Variants in FERMT1 observed in about 807,000 individuals in gnomAD.
The protein encoded by FERMT1 is FERM domain containing kindlin 1, also known as fermitin family homolog 1.
In FERMT1, 60 loss-of-function variants were observed where a neutral mutation model predicts 85.3. That is an observed-to-expected ratio of 0.70 (90% confidence interval 0.57 to 0.87). FERMT1 has a LOEUF of 0.87. Among genes scored for constraint, FERMT1 ranks in the 40% least tolerant of loss-of-function variants. The probability of loss-of-function intolerance (pLI) is 0.00; values close to 1 mark genes in which losing one functional copy is unlikely to be tolerated. For synonymous variants in FERMT1, 275 were observed against 301.1 expected, an observed-to-expected ratio of 0.91 and a Z score of 0.90; for missense variants, 701 against 818.9, an observed-to-expected ratio of 0.86 and a Z score of 1.76.
intron 6 of FERMT1, among the ~76,000 whole-genome samples, chr20:6,100,442 G>C (rs532440672): frequency 6.6e-6 from 1 of 152,284 alleles, no homozygotes; most frequent in African/African-American, 2.4e-5. Flanking sequence ...TCAGGGCTGG[G>C]AGGGTAGGAG....
chr20:6,077,182 A>G lies in FERMT1; in HGVS notation c.2025T>C (p.Gly675=). ...AGCACGCGTGCTTGTTTCAATCCTG[A>G]CCGCCGGTCAATTTGTGGAACAAGT... ...DEDLFHKLTG[G]QD The change falls in exon 15 of 15, where the codon GGT becomes GGC. Residue 675 remains glycine (G), a synonymous_variant. Transcript: ENST00000217289. The G allele has an allele frequency of 6.2e-7, 1 of 1,613,818 alleles. No individual in the cohort carries two copies. Among genetic ancestry groups the G allele is most frequent in the Non-Finnish European group, 8.5e-7 (1 of 1,180,018 alleles).
At chr20:6,099,207 C>T (rs62200476) in intron 6 of FERMT1, among the ~76,000 whole-genome samples, 14,044 of 151,850 alleles carry the variant, frequency 0.092, 699 homozygotes, top group African/African-American at 0.12. Flanking sequence ...GTTTGAGACA[C>T]GCCTGGCCAA....
In FERMT1 at chr20:6,085,270, T is replaced by C; in HGVS notation, c.1389A>G (p.Gln463=). 1 of 1,613,614 alleles carries C rather than the reference T, an allele frequency of 6.2e-7. No homozygotes were observed. The highest frequency in any genetic ancestry group is 1.1e-5 in the South Asian group (1 of 91,048). Residue 463 remains glutamine, a synonymous_variant, in exon 12 of 15, where the codon CAA becomes CAG. Coordinates refer to ENST00000217289, the MANE Select transcript of FERMT1 (RefSeq NM_017671.5). ...ATGCCAACATGCAGGCAGCCATCCA[T>C]TGGGCGTATTGATTCTCCTGCAGCA... ...LRCDHENQYA[Q]WMAACMLASK...
At chr20:6,092,379 CA>C (rs1377894589) in intron 9 of FERMT1, among the ~76,000 whole-genome samples, 4 of 151,888 alleles carry the variant, frequency 2.6e-5, no homozygotes, top group Non-Finnish European at 5.9e-5. Flanking sequence ...TCTGTCTCTA[CA>C]AAAAATACAA....
Position 6,095,000 on chromosome 20 carries a change from CA to C in FERMT1, c.1090-13del. On this transcript the variant is annotated splice_polypyrimidine_tract_variant and intron_variant, in intron 8 of 14. Coordinates refer to ENST00000217289, the MANE Select transcript of FERMT1 (RefSeq NM_017671.5). Reference sequence around the variant, plus strand: ...TCAGTAATGTCCTCCTAAGAAAAAACAAATAAAGTTTCAAAAGCAGGAACTT... The same window carrying C: ...TCAGTAATGTCCTCCTAAGAAAAAACAATAAAGTTTCAAAAGCAGGAACTT... 1 of 1,493,820 alleles carries C rather than the reference CA, an allele frequency of 6.7e-7. No individual in the cohort carries two copies. Among genetic ancestry groups the C allele is most frequent in the Non-Finnish European group, 9.3e-7 (1 of 1,070,426 alleles). 92.5% of individuals were successfully genotyped at this position (1,493,820 alleles called of 1,614,324 possible).
chr20:6,106,150 C>A (rs532795921), intron 6 of FERMT1, among the ~76,000 whole-genome samples: 1 of 152,252 alleles, frequency 6.6e-6, no homozygotes, highest in East Asian at 1.9e-4. Context: ...ACAGTAATTT[C>A]TCCTGGAGAT....
At chr20:6,093,016 T>C (rs1158936920) in intron 9 of FERMT1, among the ~76,000 whole-genome samples, 5 of 152,102 alleles carry the variant, frequency 3.3e-5, no homozygotes, top group Non-Finnish European at 7.4e-5. Flanking sequence ...TTAGAGCTGA[T>C]ACCCTGTTGC....
Position 6,116,046 on chromosome 20 carries a change from T to G in FERMT1, c.152-2A>C. ...AGTCTGACCAGTCTTGGGATATATC[T>G]GCAAAAATGAAAGCACAATTAAGTA... On this transcript the variant is annotated splice_acceptor_variant, in intron 2 of 14. Coordinates refer to ENST00000217289, the MANE Select transcript of FERMT1 (RefSeq NM_017671.5). LOFTEE classifies it high-confidence loss of function. 6.2e-7 allele frequency: 1 copy of G among 1,608,112 alleles called. No homozygotes were observed. The highest frequency in any genetic ancestry group is 8.5e-7 in the Non-Finnish European group (1 of 1,174,768).
Position 6,107,524 on chromosome 20 carries a change from T to C in FERMT1, c.849+8A>G. On this transcript the variant is annotated splice_region_variant and intron_variant, in intron 6 of 14. Coordinates refer to ENST00000217289, the MANE Select transcript of FERMT1 (RefSeq NM_017671.5). ...AAAGAGAAAGACAAAAGAGAAAAAG[T>C]TGCTTACTTTAGGATTCAAGTCGAA... 6.4e-7 allele frequency: 1 copy of C among 1,551,744 alleles called. No individual in the cohort carries two copies. The highest frequency in any genetic ancestry group is 8.9e-7 in the Non-Finnish European group (1 of 1,124,740).
chr20:6,119,848 C>T lies in FERMT1; in HGVS notation c.-18-276G>A, dbSNP rs78073265. On this transcript the variant is annotated intron_variant, in intron 1 of 14. Coordinates refer to ENST00000217289, the MANE Select transcript of FERMT1 (RefSeq NM_017671.5). ...AGACCACTTGGCTATGTATTTCCTT[C>T]GTCCACCCAATGCTTCAATCCTCAT... 8.5e-5 allele frequency among the ~76,000 whole-genome samples: 13 copies of T among 152,344 alleles called. No individual in the cohort carries two copies. In the East Asian group the frequency reaches 1.2e-3, roughly 14 times the overall value.
At chr20:6,106,208 T>C (rs1404981590) in intron 6 of FERMT1, among the ~76,000 whole-genome samples, 10 of 152,188 alleles carry the variant, frequency 6.6e-5, no homozygotes, top group Admixed American at 5.2e-4. Flanking sequence ...GATTCACTTA[T>C]GCATTCCAGA....
intron 6 of FERMT1, among the ~76,000 whole-genome samples, chr20:6,107,322 C>T (rs189197373): frequency 5.0e-4 from 76 of 152,214 alleles, no homozygotes; most frequent in Non-Finnish European, 9.7e-4. Context: ...TCAGAGACTC[C>T]GGCTAATTTG....
chr20:6,096,844 T>C, intron 8 of FERMT1, 58 bp downstream of exon 8: 1 of 1,462,516 alleles, frequency 6.8e-7, no homozygotes, highest in Admixed American at 1.7e-5. Context: ...GAAAAGTTCA[T>C]TTATACTTGT....
intron 9 of FERMT1, 109 bp from the exon 10 acceptor site, chr20:6,089,198 T>TC: frequency 4.5e-6 from 5 of 1,114,990 alleles, no homozygotes; most frequent in Non-Finnish European, 6.6e-6. Flanking sequence ...AAACACACTT[T>TC]GTTTTTTCAA....
rs570948856 is a variant in FERMT1 at position 6,116,529 on chromosome 20, A to T, written c.152-485T>A. On this transcript the variant is annotated intron_variant, in intron 2 of 14. Transcript: ENST00000217289. The stretch of plus-strand genomic sequence containing the variant: ...GATCACCTGAGGTCAGGAGTTCGAG[A>T]CCAGCCCGGCCTACATGGCAAAACC... Among the ~76,000 whole-genome samples, 8 of 152,220 alleles carry T rather than the reference A, an allele frequency of 5.3e-5. No individual in the cohort carries two copies. The East Asian group carries it at 1.5e-3, about 29-fold the overall frequency.
Position 6,075,399 on chromosome 20 carries a change from C to T in FERMT1, c.*1774G>A, listed in dbSNP as rs577291407. 8.7e-5 allele frequency: 13 copies of T among 149,876 alleles called. No homozygotes were observed. The highest frequency in any genetic ancestry group is 1.7e-4 in the African/African-American group (7 of 40,708). The allele number at this position is 149,876 out of a possible 1,614,324, so 9.3% of individuals were successfully genotyped here. A position where few individuals can be genotyped will look rare whatever the true frequency, so the allele number is the denominator to read the frequency against. On this transcript the variant is annotated 3_prime_UTR_variant, in exon 15 of 15. Transcript: ENST00000217289. ...AGAAATGACCAACATCAAGTATATA[C>T]GGTACACTTAGCACTTGTTTCTATA...
chr20:6,107,466 C>T (rs1263890063), intron 6 of FERMT1, 66 bp downstream of exon 6: 15 of 940,662 alleles, frequency 1.6e-5, no homozygotes, highest in Non-Finnish European at 2.2e-5. Flanking sequence ...TAAGCAAATG[C>T]CTCCATTTTA....
chr20:6,083,661 C>G (rs796526476), intron 13 of FERMT1, among the ~76,000 whole-genome samples: 8 of 125,492 alleles, frequency 6.4e-5, no homozygotes, highest in East Asian at 3.0e-4. Flanking sequence ...AGACACCCCC[C>G]CCCCCGGCCA....
At chr20:6,119,346 G>A (rs911307297) in intron 2 of FERMT1, 58 bp downstream of exon 2, 4 of 1,528,622 alleles carry the variant, frequency 2.6e-6, no homozygotes, top group Non-Finnish European at 3.6e-6. Flanking sequence ...AGCCATTAGT[G>A]GTGATGCACC....
Sources: gnomAD v4.1 joint callset for allele counts (sites outside exome capture counted in the v4.1 genomes callset) on GRCh38, gnomAD v4.1.1 for gene constraint, MANE v1.5 for transcripts, NCBI Gene and HGNC (gene_info 2026-07-23, HGNC 2026-07-21) for gene names.